Variants in RARB observed in about 807,000 individuals in gnomAD.
The protein encoded by RARB is retinoic acid receptor beta, also known as HBV-activated protein.
In RARB, 17 loss-of-function variants were observed where a neutral mutation model predicts 51.9. That is an observed-to-expected ratio of 0.33 (90% CI 0.22 to 0.49). The LOEUF is 0.49. Ranked by LOEUF, RARB falls within the 20% of genes least tolerant of loss-of-function variation. The pLI is 0.99. For synonymous variants in RARB, 215 were observed against 195.4 expected, an observed-to-expected ratio of 1.10 and a Z score of -0.84; for missense variants, 369 against 550.8, an observed-to-expected ratio of 0.67 and a Z score of 3.30.
intron 4 of RARB, among the ~76,000 whole-genome samples, chr3:25,151,319 A>G (rs546484448): frequency 6.6e-6 from 1 of 152,356 alleles, no homozygotes; most frequent in South Asian, 2.1e-4. Flanking sequence ...GCAAATGGCA[A>G]GAACACTTTT....
chr3:24,927,798 A>AAT (rs758100545), intron 2 of RARB, among the ~76,000 whole-genome samples: 6 of 152,068 alleles, frequency 3.9e-5, no homozygotes, highest in Non-Finnish European at 8.8e-5. Flanking sequence ...CATGCATTCA[A>AAT]ATGAGTTGGT....
intron 1 of RARB, among the ~76,000 whole-genome samples, chr3:25,432,133 G>T (rs1708235052): frequency 6.6e-6 from 1 of 152,126 alleles, no homozygotes; most frequent in Admixed American, 6.5e-5. Context: ...TCCTTAAATC[G>T]CAAAGAGAGT....
At chr3:25,159,412 A>AC (rs11393745) in intron 4 of RARB, among the ~76,000 whole-genome samples, 66,782 of 141,502 alleles carry the variant, frequency 0.47, 16,623 homozygotes, top group East Asian at 0.72. Flanking sequence ...CAGATGATCC[A>AC]CCCCCCCCGC....
At chr3:25,461,160 C>CT (rs772887124) in intron 1 of RARB, 33 bp from the exon 2 acceptor site, 1 of 1,506,116 alleles carries the variant, frequency 6.6e-7, no homozygotes, top group Admixed American at 2.4e-5. Context: ...TACATTTTCT[C>CT]TTTTTTCTCC....
At chr3:25,332,678 C>A (rs1028607043) in intron 5 of RARB, among the ~76,000 whole-genome samples, 14 of 152,088 alleles carry the variant, frequency 9.2e-5, no homozygotes, top group African/African-American at 3.4e-4. Context: ...CTGGCCAGGG[C>A]AATCAGGCAG....
At chr3:25,060,841 G>A (rs1441523125) in intron 3 of RARB, among the ~76,000 whole-genome samples, 1 of 151,814 alleles carries the variant, frequency 6.6e-6, no homozygotes, top group South Asian at 2.1e-4. Context: ...TTATCTTGAA[G>A]ATTAAATGAA....
intron 1 of RARB, among the ~76,000 whole-genome samples, chr3:24,846,400 T>C (rs1410341364): frequency 6.6e-6 from 1 of 152,186 alleles, no homozygotes; most frequent in African/African-American, 2.4e-5. Flanking sequence ...AGAACTGGTA[T>C]CCAGTTCAAG....
intron 4 of RARB, among the ~76,000 whole-genome samples, chr3:25,168,875 G>GCATTTAGTTAGT (rs1700599459): frequency 6.6e-6 from 1 of 152,122 alleles, no homozygotes; most frequent in Admixed American, 6.6e-5. Context: ...TTAGCAGATT[G>GCATTTAGTTAGT]AATGCATTTA....
At chr3:25,377,453 C>G (rs1345135621) in intron 5 of RARB, among the ~76,000 whole-genome samples, 1 of 152,202 alleles carries the variant, frequency 6.6e-6, no homozygotes, top group Non-Finnish European at 1.5e-5. Context: ...CTGTGTAGGT[C>G]AGATACTTCT....
At chr3:25,333,691 C>A (rs1704973560) in intron 5 of RARB, among the ~76,000 whole-genome samples, 3 of 152,130 alleles carry the variant, frequency 2.0e-5, no homozygotes, top group Non-Finnish European at 4.4e-5. Context: ...TCTAATTAAA[C>A]TAAAGAGCTT....
At chr3:25,254,574 C>T (rs941775321) in intron 5 of RARB, among the ~76,000 whole-genome samples, 1 of 151,012 alleles carries the variant, frequency 6.6e-6, no homozygotes, top group Non-Finnish European at 1.5e-5. Context: ...GACAGTTTTC[C>T]TTAACGGTAT....
chr3:25,357,232 T>C (rs868139289), intron 5 of RARB, among the ~76,000 whole-genome samples: 1 of 152,234 alleles, frequency 6.6e-6, no homozygotes, highest in African/African-American at 2.4e-5. Context: ...TGGTATCTCA[T>C]TGTGGTTTTG....
chr3:24,892,163 C>G (rs1703393561), intron 2 of RARB, among the ~76,000 whole-genome samples: 1 of 151,218 alleles, frequency 6.6e-6, no homozygotes, highest in South Asian at 2.1e-4. Flanking sequence ...AGGACCCCGA[C>G]TCATCCACCC....
chr3:25,192,758 T>G (rs976433817), intron 5 of RARB, among the ~76,000 whole-genome samples: 50 of 152,006 alleles, frequency 3.3e-4, no homozygotes, highest in African/African-American at 1.2e-3. Flanking sequence ...ACTTGTTCTG[T>G]TGAAAACACC....
intron 3 of RARB, among the ~76,000 whole-genome samples, chr3:25,529,539 C>T (rs546820713): frequency 8.7e-4 from 132 of 152,084 alleles, no homozygotes; most frequent in African/African-American, 3.0e-3. Flanking sequence ...CAGAAGGAAA[C>T]TGAGGAAATG....
intron 5 of RARB, among the ~76,000 whole-genome samples, chr3:25,248,249 A>G (rs1338917289): frequency 2.6e-5 from 4 of 152,018 alleles, no homozygotes; most frequent in East Asian, 3.9e-4. Flanking sequence ...TTTACTTTCA[A>G]TCTATATGTC....
chr3:25,426,965 T>G (rs970902911), upstream of RARB, among the ~76,000 whole-genome samples: 15 of 152,196 alleles, frequency 9.9e-5, no homozygotes, highest in African/African-American at 3.6e-4. Flanking sequence ...ATTACTGTAT[T>G]TTAATAAAAG....
At position 24,891,901 on chromosome 3, in the gene RARB, C is replaced by G. The variant is rs556063702; in HGVS notation, c.-380+33149C>G. Among the ~76,000 whole-genome samples, 4 of 152,022 alleles carry G rather than the reference C, an allele frequency of 2.6e-5. No individual in the cohort carries two copies. The South Asian group carries it at 8.3e-4, about 32-fold the overall frequency. Reference sequence around the variant, plus strand: ...ACCCATAGGGTTCAACTTTCCTAAGCCCCCCTTGATTCTGGAGCTGCACCC... The same window carrying G: ...ACCCATAGGGTTCAACTTTCCTAAGGCCCCCTTGATTCTGGAGCTGCACCC... On this transcript the variant is annotated intron_variant, in intron 2 of 11. Transcript: ENST00000383772.
intron 2 of RARB, among the ~76,000 whole-genome samples, chr3:25,478,730 C>T (rs1204507942): frequency 6.6e-6 from 1 of 152,210 alleles, no homozygotes; most frequent in Non-Finnish European, 1.5e-5. Flanking sequence ...GCTCTGCCAG[C>T]TTTATGGAAA....
Sources: gnomAD v4.1 joint callset for allele counts (sites outside exome capture counted in the v4.1 genomes callset) on GRCh38, gnomAD v4.1.1 for gene constraint, MANE v1.5 for transcripts, NCBI Gene and HGNC (gene_info 2026-07-23, HGNC 2026-07-21) for gene names.